Variants in RYR2 observed in about 807,000 individuals in gnomAD.
The protein encoded by RYR2 is ryanodine receptor 2, also known as cardiac muscle ryanodine receptor-calcium release channel.
A neutral mutation model predicts 601.1 loss-of-function variants in RYR2; 227 were observed. That is an observed-to-expected ratio of 0.38 (90% CI 0.34 to 0.42). The LOEUF (loss-of-function observed/expected upper bound fraction) is 0.42, where lower values mean the gene tolerates loss of function less well. RYR2 is among the 10% of genes least tolerant of loss of function. The pLI is 1.00. For synonymous variants in RYR2, 2,223 were observed against 2,175.1 expected (o/e 1.02, Z -0.61); for missense variants, 4,646 against 6,156.5 (o/e 0.75, Z 8.21).
intron 53 of RYR2, among the ~76,000 whole-genome samples, chr1:237,656,378 A>G (rs141616291): frequency 3.0e-3 from 456 of 152,292 alleles, no homozygotes; most frequent in African/African-American, 0.011. Flanking sequence ...TGCGAGTAGC[A>G]AGGGAATCCC....
chr1:237,398,393 A>C (rs1703052361), intron 10 of RYR2, among the ~76,000 whole-genome samples: 1 of 152,268 alleles, frequency 6.6e-6, no homozygotes, highest in Admixed American at 6.5e-5. Context: ...AGTATCTAAA[A>C]TACATAAAGA....
At chr1:237,556,917 A>C (rs1670964113) in intron 27 of RYR2, among the ~76,000 whole-genome samples, 3 of 122,924 alleles carry the variant, frequency 2.4e-5, no homozygotes, top group African/African-American at 6.0e-5. Context: ...AAACCCTCTC[A>C]GTGGCTAAAA....
chr1:237,455,298 T>A (rs1022852215), intron 15 of RYR2, among the ~76,000 whole-genome samples: 2 of 152,112 alleles, frequency 1.3e-5, no homozygotes, highest in Admixed American at 1.3e-4. Flanking sequence ...ATGCATCTTG[T>A]ATGCAGAATA....
chr1:237,168,496 C>T (rs1227175800), intron 1 of RYR2, among the ~76,000 whole-genome samples: 1 of 151,990 alleles, frequency 6.6e-6, no homozygotes, highest in Non-Finnish European at 1.5e-5. Flanking sequence ...GACTGATTAC[C>T]AGGTTGATAG....
intron 11 of RYR2, among the ~76,000 whole-genome samples, chr1:237,421,957 T>A (rs16835232): frequency 0.12 from 18,260 of 152,126 alleles, 1,358 homozygotes; most frequent in East Asian, 0.27. Context: ...CCTTTTGAGG[T>A]TTATTTGCTT....
chr1:237,569,335 T>G lies in RYR2; in HGVS notation c.3598+16T>G, dbSNP rs886038387. 8.7e-6 allele frequency: 14 copies of G among 1,609,824 alleles called. No homozygotes were observed. The highest frequency in any genetic ancestry group is 5.1e-5 in the Admixed American group (3 of 59,336). ...GTTGGCGATGGTAAGTCTACTATGT[T>G]TTGTGTTTTTTTTAAGTTTGCAGCA... is the stretch of plus-strand genomic sequence containing the variant. On this transcript the variant is annotated intron_variant, in intron 29 of 104. Coordinates refer to ENST00000366574, the MANE Select transcript of RYR2 (RefSeq NM_001035.3).
chr1:237,579,248 C>CTT (rs546960253), intron 29 of RYR2, among the ~76,000 whole-genome samples: 81 of 68,084 alleles, frequency 1.2e-3, no homozygotes, highest in African/African-American at 3.2e-3. Flanking sequence ...TCTTCTTCTT[C>CTT]TTTTTTTTTT....
intron 1 of RYR2, among the ~76,000 whole-genome samples, chr1:237,096,590 G>A (rs1667529948): frequency 1.3e-5 from 2 of 152,086 alleles, no homozygotes. Flanking sequence ...ATATACGTTG[G>A]TATCTTATTT....
chr1:237,594,494 T>A (rs1341772112), intron 33 of RYR2, among the ~76,000 whole-genome samples: 1 of 152,098 alleles, frequency 6.6e-6, no homozygotes, highest in Non-Finnish European at 1.5e-5. Flanking sequence ...AAAAACCACA[T>A]GTCTCCAGGA....
chr1:237,294,752 C>T (rs1692589399), intron 2 of RYR2, among the ~76,000 whole-genome samples: 2 of 152,002 alleles, frequency 1.3e-5, no homozygotes, highest in African/African-American at 4.8e-5. Flanking sequence ...TTGATTGTTT[C>T]TTATAACCCC....
chr1:237,801,740 C>T (rs1033309232), intron 97 of RYR2, 116 bp from the exon 98 acceptor site: 1 of 556,040 alleles, frequency 1.8e-6, no homozygotes, highest in African/African-American at 1.9e-5. Context: ...GAACTCGTTT[C>T]CCAAGAAGGT....
chr1:237,201,944 A>G (rs374975555), intron 1 of RYR2, among the ~76,000 whole-genome samples: 1 of 152,216 alleles, frequency 6.6e-6, no homozygotes, highest in East Asian at 1.9e-4. Context: ...ATGAATCAAC[A>G]AAGGCCTATC....
At position 237,682,615 on chromosome 1, in the gene RYR2, T is replaced by G. The variant is rs10925492; in HGVS notation, c.9017+2038T>G. ...ACCATTTAGGTTTGTGTAAGTACATTCTATGATGTACTTATATCATGGTCT... is the reference window on the plus strand; with the variant it reads ...ACCATTTAGGTTTGTGTAAGTACATGCTATGATGTACTTATATCATGGTCT... On this transcript the variant is annotated intron_variant, in intron 62 of 104. Coordinates refer to ENST00000366574, the MANE Select transcript of RYR2 (RefSeq NM_001035.3). Among the ~76,000 whole-genome samples the G allele has an allele frequency of 5.1e-3, 774 of 152,304 alleles. 7 individuals carry two copies. The highest frequency in any genetic ancestry group is 0.018 in the African/African-American group (737 of 41,564).
chr1:237,742,284 TTA>T lies in RYR2; in HGVS notation c.11092-11_11092-10del, dbSNP rs1491065440. On this transcript the variant is annotated splice_polypyrimidine_tract_variant and intron_variant, in intron 79 of 104. Coordinates refer to ENST00000366574, the MANE Select transcript of RYR2 (RefSeq NM_001035.3). Reference sequence around the variant, plus strand: ...ATTCCTGTCTCCTTTTTTTTTTTTTTTAAATATACAGAGTTGTCATGATGAGG... The same window carrying T: ...ATTCCTGTCTCCTTTTTTTTTTTTTTAATATACAGAGTTGTCATGATGAGG... 2.0e-6 allele frequency: 3 copies of T among 1,510,716 alleles called. No individual in the cohort carries two copies. Among genetic ancestry groups the T allele is most frequent in the Non-Finnish European group, 1.8e-6 (2 of 1,126,792 alleles). 93.6% of individuals were successfully genotyped at this position (1,510,716 alleles called of 1,614,324 possible). A position where few individuals can be genotyped will look rare whatever the true frequency, so the allele number is the denominator to read the frequency against.
chr1:237,831,403 TTC>T (rs1663771752), intron 103 of RYR2, 109 bp from the exon 104 acceptor site: 1 of 628,020 alleles, frequency 1.6e-6, no homozygotes, highest in African/African-American at 1.9e-5. Context: ...ATGTGGCGTT[TTC>T]TCTGTGCTGG....
chr1:237,617,756 C>A (rs1191653070), intron 38 of RYR2, among the ~76,000 whole-genome samples: 1 of 152,168 alleles, frequency 6.6e-6, no homozygotes, highest in Non-Finnish European at 1.5e-5. Context: ...CAAATAGGAG[C>A]AAATTTCAAC....
intron 1 of RYR2, among the ~76,000 whole-genome samples, chr1:237,234,958 A>G (rs1685406859): frequency 6.6e-6 from 1 of 151,886 alleles, no homozygotes; most frequent in African/African-American, 2.4e-5. Flanking sequence ...TGTGCCCTCT[A>G]TTGTTAATGA....
intron 48 of RYR2, among the ~76,000 whole-genome samples, chr1:237,645,411 A>G (rs1008071695): frequency 3.3e-5 from 5 of 152,158 alleles, no homozygotes; most frequent in African/African-American, 1.2e-4. Flanking sequence ...CCTCTCTTCT[A>G]ACTCATTTTC....
intron 10 of RYR2, among the ~76,000 whole-genome samples, chr1:237,398,965 C>T (rs181212570): frequency 1.1e-3 from 168 of 152,188 alleles, no homozygotes; most frequent in African/African-American, 3.7e-3. Flanking sequence ...AGGCCAAAGT[C>T]GGTGAATCAC....
Sources: allele counts gnomAD v4.1 joint callset (sites outside exome capture counted in the v4.1 genomes callset), GRCh38; gene constraint gnomAD v4.1.1; transcripts MANE v1.5; gene names NCBI Gene and HGNC (gene_info 2026-07-23, HGNC 2026-07-21).